The following ANKS1B variants were observed in gnomAD, a reference collection of about 807,000 sequenced individuals.
The protein encoded by ANKS1B is ankyrin repeat and sterile alpha motif domain-containing protein 1B.
In ANKS1B, 36 loss-of-function variants were observed where a neutral mutation model predicts 148.3. That is an observed-to-expected ratio of 0.24 (90% CI 0.19 to 0.32). The LOEUF is 0.32. Ranked by LOEUF, ANKS1B falls within the 10% of genes least tolerant of loss-of-function variation. The pLI is 1.00. For missense variants in ANKS1B, 1,157 were observed against 1,542.6 expected, an observed-to-expected ratio of 0.75 and a Z score of 4.19; for synonymous variants, 542 against 560.8, an observed-to-expected ratio of 0.97 and a Z score of 0.47.
At chr12:98,777,958 A>G (rs1360768055) in intron 24 of ANKS1B, among the ~76,000 whole-genome samples, 1 of 152,208 alleles carries the variant, frequency 6.6e-6, no homozygotes, top group Non-Finnish European at 1.5e-5. Flanking sequence ...GCTGTGGAGT[A>G]ACAGAAAAAG....
intron 10 of ANKS1B, among the ~76,000 whole-genome samples, chr12:99,449,588 G>T (rs186968179): frequency 1.7e-3 from 259 of 152,158 alleles, no homozygotes; most frequent in African/African-American, 6.1e-3. Context: ...TAACTTGTAT[G>T]TTTTTAGGCA....
At chr12:99,887,633 A>T (rs1032235325) in intron 1 of ANKS1B, among the ~76,000 whole-genome samples, 6 of 152,224 alleles carry the variant, frequency 3.9e-5, no homozygotes, top group Non-Finnish European at 8.8e-5. Flanking sequence ...TATATCACTA[A>T]GATGACTTTT....
chr12:98,935,427 A>G (rs576946009), intron 17 of ANKS1B, among the ~76,000 whole-genome samples: 4 of 152,152 alleles, frequency 2.6e-5, no homozygotes, highest in Admixed American at 6.6e-5. Flanking sequence ...TATTGGCTGC[A>G]GTTTTCTCTT....
chr12:99,684,997 C>T lies in ANKS1B; in HGVS notation c.1129-29787G>A, dbSNP rs567108576. On this transcript the variant is annotated intron_variant, in intron 8 of 26. Coordinates refer to ENST00000683438, the MANE Select transcript of ANKS1B (RefSeq NM_001352186.2). ...TTCTAGAAGATAATACTGGAAAAAC[C>T]CTTCCAGAAATTGGCTTAGGCAAAG... 2.0e-5 allele frequency among the ~76,000 whole-genome samples: 3 copies of T among 152,100 alleles called. No homozygotes were observed. In the East Asian group the frequency reaches 5.8e-4, roughly 29 times the overall value.
intron 24 of ANKS1B, among the ~76,000 whole-genome samples, chr12:98,779,762 C>T (rs553701966): frequency 4.1e-3 from 630 of 152,292 alleles, no homozygotes; most frequent in Non-Finnish European, 6.8e-3. Flanking sequence ...ACTAAAGATG[C>T]TTCCAAGAAA....
chr12:99,530,926 T>C (rs772632135), intron 9 of ANKS1B, among the ~76,000 whole-genome samples: 4 of 152,244 alleles, frequency 2.6e-5, no homozygotes, highest in Admixed American at 2.0e-4. Context: ...TACCTTTTAA[T>C]ACAAACCCTC....
intron 1 of ANKS1B, among the ~76,000 whole-genome samples, chr12:99,836,412 T>C (rs1052934796): frequency 1.3e-5 from 2 of 151,914 alleles, no homozygotes; most frequent in East Asian, 3.9e-4. Context: ...AGGAGCATCA[T>C]AGTCAAAATC....
chr12:99,240,773 T>C (rs1170016438), intron 14 of ANKS1B, among the ~76,000 whole-genome samples: 1 of 152,200 alleles, frequency 6.6e-6, no homozygotes, highest in Non-Finnish European at 1.5e-5. Flanking sequence ...ACGTGGAAAC[T>C]GAACAACCTG....
chr12:99,916,028 T>C (rs7310093), intron 1 of ANKS1B, among the ~76,000 whole-genome samples: 92,287 of 152,100 alleles, frequency 0.61, 29,148 homozygotes, highest in Middle Eastern at 0.7. Flanking sequence ...CCTACCCCAG[T>C]ATGATCTCAT....
intron 22 of ANKS1B, chr12:98,794,599 A>C: frequency 1.3e-6 from 1 of 780,954 alleles, no homozygotes; most frequent in Non-Finnish European, 2.3e-6. Flanking sequence ...ATGTCATTAA[A>C]AACTTTAAAA....
intron 8 of ANKS1B, among the ~76,000 whole-genome samples, chr12:99,713,334 A>G (rs549789955): frequency 6.6e-6 from 1 of 152,332 alleles, no homozygotes; most frequent in East Asian, 1.9e-4. Context: ...TTGTAATCAA[A>G]TCTTCTAACT....
chr12:98,750,135 T>C (rs1347058231), intron 26 of ANKS1B, among the ~76,000 whole-genome samples: 2 of 152,098 alleles, frequency 1.3e-5, no homozygotes, highest in Non-Finnish European at 2.9e-5. Context: ...GAGTCTGGAA[T>C]TGGGGGGTGC....
intron 17 of ANKS1B, among the ~76,000 whole-genome samples, chr12:98,840,922 A>G (rs1208462715): frequency 6.6e-6 from 1 of 152,220 alleles, no homozygotes; most frequent in Non-Finnish European, 1.5e-5. Context: ...TTACAAAAGA[A>G]AATGGGAAGT....
chr12:99,391,868 T>C lies in ANKS1B; in HGVS notation c.1756+7763A>G, dbSNP rs12427034. 1.9e-3 allele frequency among the ~76,000 whole-genome samples: 291 copies of C among 152,334 alleles called. 3 individuals are homozygous for C. Among genetic ancestry groups the C allele is most frequent in the Admixed American group, 0.015 (236 of 15,300 alleles). On this transcript the variant is annotated intron_variant, in intron 12 of 26. Transcript: ENST00000683438. ...AACAGGAAAAAGTACAGGAGACACA[T>C]TTCATGATTTATCAAGAAGTGACAA...
intron 8 of ANKS1B, among the ~76,000 whole-genome samples, chr12:99,700,438 C>A (rs1175599910): frequency 1.3e-5 from 2 of 152,144 alleles, no homozygotes. Context: ...AAAGCCTTTG[C>A]CATATTGACT....
intron 17 of ANKS1B, among the ~76,000 whole-genome samples, chr12:99,000,196 G>A (rs544718011): frequency 4.6e-5 from 7 of 151,682 alleles, no homozygotes; most frequent in East Asian, 1.9e-4. Context: ...GGACTATAGA[G>A]ATAGGGGAGG....
intron 12 of ANKS1B, among the ~76,000 whole-genome samples, chr12:99,249,566 C>T (rs1350343087): frequency 2.6e-5 from 4 of 152,312 alleles, no homozygotes; most frequent in East Asian, 3.9e-4. Context: ...ATATTACTTG[C>T]TTTTTCCAGT....
intron 1 of ANKS1B, among the ~76,000 whole-genome samples, chr12:99,908,730 C>T (rs912690569): frequency 6.6e-6 from 1 of 152,180 alleles, no homozygotes; most frequent in South Asian, 2.1e-4. Flanking sequence ...TGAAATATTA[C>T]CTTTTTTATC....
At chr12:98,888,709 A>G (rs2099745740) in intron 17 of ANKS1B, among the ~76,000 whole-genome samples, 1 of 152,000 alleles carries the variant, frequency 6.6e-6, no homozygotes, top group Non-Finnish European at 1.5e-5. Context: ...GGTTCCTTCT[A>G]TTCAGGTCTC....
Sources: allele counts gnomAD v4.1 joint callset (sites outside exome capture counted in the v4.1 genomes callset), GRCh38; gene constraint gnomAD v4.1.1; transcripts MANE v1.5; gene names NCBI Gene and HGNC (gene_info 2026-07-23, HGNC 2026-07-21).